MMP26: variants seen among roughly 807,000 people sequenced by gnomAD.
The protein encoded by MMP26 is matrix metalloproteinase-26.
Under a neutral mutation model 31.0 loss-of-function variants are expected in MMP26, and 33 were observed. The observed-to-expected ratio is 1.06, with a 90% confidence interval of 0.81 to 1.42. The LOEUF is 1.42. MMP26 is among the 40% of genes most tolerant of loss of function. The probability of loss-of-function intolerance (pLI) is 0.00; values close to 1 mark genes in which losing one functional copy is unlikely to be tolerated. For missense variants in MMP26, 347 were observed against 316.1 expected (o/e 1.10, Z -0.74); for synonymous variants, 122 against 114.9 (o/e 1.06, Z -0.40).
rs774109291 is a variant in MMP26 at position 4,848,640 on chromosome 11, G to A, written c.-145+81299G>A. 15 of 1,612,556 alleles carry A rather than the reference G, an allele frequency of 9.3e-6. No individual in the cohort carries two copies. In the East Asian group the frequency reaches 2.9e-4, roughly 31 times the overall value. On this transcript the variant is annotated intron_variant, in intron 2 of 7. Coordinates refer to ENST00000380390, the MANE Select transcript of MMP26 (RefSeq NM_021801.5). ...TGGGCAGGCCAAACGAGCCACATCT[G>A]GATGCAAGCAATAAGAATGGGTTAG...
intron 2 of MMP26, among the ~76,000 whole-genome samples, chr11:4,831,831 C>T (rs1018864813): frequency 1.3e-5 from 2 of 152,064 alleles, no homozygotes; most frequent in East Asian, 1.9e-4. Context: ...TCAAAAAAAG[C>T]GGGTATCAAA....
chr11:4,843,058 G>A (rs190135479), intron 2 of MMP26, among the ~76,000 whole-genome samples: 7 of 152,278 alleles, frequency 4.6e-5, no homozygotes, highest in African/African-American at 7.2e-5. Context: ...GATGCAAGGC[G>A]TGGCCTCTCA....
At chr11:4,815,969 A>C (rs1328605726) in intron 2 of MMP26, among the ~76,000 whole-genome samples, 1 of 152,220 alleles carries the variant, frequency 6.6e-6, no homozygotes, top group Non-Finnish European at 1.5e-5. Context: ...ACAAATAACT[A>C]TAATTTGAGA....
rs1289749082 is a variant in MMP26 at position 4,789,154 on chromosome 11, CAT to C, written c.-145+21814_-145+21815del. ...AGTAGTTTCTAATTTGAATGAGTGA[CAT>C]GTGGGGATGTTGAATATATGTAACT... is the stretch of plus-strand genomic sequence containing the variant. On this transcript the variant is annotated intron_variant, in intron 2 of 7. Transcript: ENST00000380390. Among the ~76,000 whole-genome samples the C allele has an allele frequency of 3.3e-5, 5 of 152,150 alleles. No individual in the cohort carries two copies. In the East Asian group the frequency reaches 5.8e-4, roughly 18 times the overall value.
Position 4,967,263 on chromosome 11 carries a change from T to C in MMP26, c.-144-20805T>C, listed in dbSNP as rs528116394. Reference sequence around the variant, plus strand: ...TTCCCAGTGAAACAAAATTACTCTTTATATTCAGCTCTCTTTACAATTCTT... The same window carrying C: ...TTCCCAGTGAAACAAAATTACTCTTCATATTCAGCTCTCTTTACAATTCTT... On this transcript the variant is annotated intron_variant, in intron 2 of 7. Transcript: ENST00000380390. Among the ~76,000 whole-genome samples, 3 of 152,320 alleles carry C rather than the reference T, an allele frequency of 2.0e-5. No individual in the cohort carries two copies. In the South Asian group the frequency reaches 6.2e-4, roughly 32 times the overall value.
chr11:4,850,885 A>G (rs1849966534), intron 2 of MMP26, among the ~76,000 whole-genome samples: 1 of 149,972 alleles, frequency 6.7e-6, no homozygotes, highest in Non-Finnish European at 1.5e-5. Context: ...AATTCCAAAT[A>G]CATATGTTAT....
intron 2 of MMP26, among the ~76,000 whole-genome samples, chr11:4,921,828 G>C (rs1258396556): frequency 6.6e-6 from 1 of 152,102 alleles, no homozygotes; most frequent in African/African-American, 2.4e-5. Flanking sequence ...TTTTTAAAAA[G>C]TTTTATTAAA....
At chr11:4,841,537 A>G (rs1218065739) in intron 2 of MMP26, among the ~76,000 whole-genome samples, 1 of 152,200 alleles carries the variant, frequency 6.6e-6, no homozygotes, top group Non-Finnish European at 1.5e-5. Context: ...TTTACCCAAG[A>G]ATAATATATC....
At chr11:4,891,721 G>A (rs150490671) in intron 2 of MMP26, among the ~76,000 whole-genome samples, 4 of 152,226 alleles carry the variant, frequency 2.6e-5, no homozygotes, top group African/African-American at 9.6e-5. Context: ...ATTCATAATG[G>A]TGCTCTCCAT....
chr11:4,709,713 T>C (rs1435249207), intron 1 of MMP26: 1 of 460,290 alleles, frequency 2.2e-6, no homozygotes, highest in Non-Finnish European at 4.4e-6. Flanking sequence ...CATGATCCTG[T>C]TTGTCATCAT....
At chr11:4,836,062 C>T (rs1036833367) in intron 2 of MMP26, among the ~76,000 whole-genome samples, 8 of 151,966 alleles carry the variant, frequency 5.3e-5, no homozygotes, top group Admixed American at 1.3e-4. Flanking sequence ...CACTTATACA[C>T]TCTTGCATGT....
At chr11:4,804,401 T>C (rs1304698471) in intron 2 of MMP26, 1 of 1,566,692 alleles carries the variant, frequency 6.4e-7, no homozygotes, top group South Asian at 1.1e-5. Context: ...ATATGGTCTC[T>C]GCTGGGAACG....
chr11:4,783,547 G>A (rs958327864), intron 2 of MMP26, among the ~76,000 whole-genome samples: 5 of 152,148 alleles, frequency 3.3e-5, no homozygotes, highest in African/African-American at 1.2e-4. Context: ...AGTTGATGCT[G>A]AAATGAGCTA....
chr11:4,834,579 T>A (rs1337560184), intron 2 of MMP26, among the ~76,000 whole-genome samples: 5 of 152,248 alleles, frequency 3.3e-5, no homozygotes, highest in African/African-American at 1.2e-4. Flanking sequence ...ATAAACCCCA[T>A]CAGGGTTACG....
intron 2 of MMP26, among the ~76,000 whole-genome samples, chr11:4,898,323 C>T (rs1021665194): frequency 2.0e-5 from 3 of 151,442 alleles, no homozygotes; most frequent in African/African-American, 7.3e-5. Context: ...ATCTTTTTCC[C>T]CTCTTATTTT....
chr11:4,961,345 C>G (rs1846518007), intron 2 of MMP26, among the ~76,000 whole-genome samples: 1 of 152,136 alleles, frequency 6.6e-6, no homozygotes, highest in African/African-American at 2.4e-5. Flanking sequence ...CCCTCTGGGC[C>G]CCTGGCTGAT....
chr11:4,986,960 C>CCT (rs149249645), intron 2 of MMP26, among the ~76,000 whole-genome samples: 9 of 53,336 alleles, frequency 1.7e-4, no homozygotes, highest in Non-Finnish European at 2.6e-4. Flanking sequence ...TCTCTCTCTC[C>CCT]CTCTCTCTCT....
chr11:4,895,228 A>G (rs533028091), intron 2 of MMP26, among the ~76,000 whole-genome samples: 2 of 150,518 alleles, frequency 1.3e-5, no homozygotes, highest in African/African-American at 2.4e-5. Context: ...TAAATTCTTT[A>G]TATACATCAT....
chr11:4,805,888 G>T (rs1849261408), intron 2 of MMP26, among the ~76,000 whole-genome samples: 1 of 152,072 alleles, frequency 6.6e-6, no homozygotes, highest in African/African-American at 2.4e-5. Flanking sequence ...AGCTCATTTT[G>T]TTCTTACCCA....
Sources: allele counts gnomAD v4.1 joint callset (sites outside exome capture counted in the v4.1 genomes callset), GRCh38; gene constraint gnomAD v4.1.1; transcripts MANE v1.5; gene names NCBI Gene and HGNC (gene_info 2026-07-23, HGNC 2026-07-21).